TMEM87A: variants seen among roughly 807,000 people sequenced by gnomAD.
TMEM87A encodes Golgi-pH regulating cation channel.
A neutral mutation model predicts 90.0 loss-of-function variants in TMEM87A; 50 were observed. That is an observed-to-expected ratio of 0.56 (90% CI 0.44 to 0.70). The LOEUF is 0.70. Ranked by LOEUF, TMEM87A falls within the 30% of genes least tolerant of loss-of-function variation. TMEM87A has a pLI of 0.00. For missense variants in TMEM87A, 577 were observed against 660.5 expected (o/e 0.87, Z 1.39); for synonymous variants, 226 against 226.7 (o/e 1.00, Z 0.03).
intron 2 of TMEM87A, chr15:42,271,518 A>T (rs1390053426): frequency 6.6e-6 from 1 of 152,132 alleles, no homozygotes; most frequent in Non-Finnish European, 1.5e-5. Context: ...TCGTATTTGT[A>T]CTCTACTTTC....
At chr15:42,240,617 T>C (rs1397538994) in intron 7 of TMEM87A, among the ~76,000 whole-genome samples, 1 of 152,320 alleles carries the variant, frequency 6.6e-6, no homozygotes. Flanking sequence ...TAAAAACTAT[T>C]TCAAGATGGA....
intron 18 of TMEM87A, 118 bp from the exon 19 acceptor site, chr15:42,217,951 T>A: frequency 1.0e-6 from 1 of 953,752 alleles, no homozygotes; most frequent in South Asian, 1.9e-5. Context: ...TTGCATTTTA[T>A]TAATGGCCCT....
intron 7 of TMEM87A, 93 bp from the exon 8 acceptor site, chr15:42,239,824 T>C: frequency 9.4e-7 from 1 of 1,064,906 alleles, no homozygotes; most frequent in Non-Finnish European, 1.5e-6. Flanking sequence ...TAGTAAGAAT[T>C]TCATTGGGTC....
chr15:42,211,982 A>G (rs540749688), intron 19 of TMEM87A, among the ~76,000 whole-genome samples: 1 of 152,102 alleles, frequency 6.6e-6, no homozygotes, highest in African/African-American at 2.4e-5. Flanking sequence ...ATCAGCACTC[A>G]GAAGGAAATG....
chr15:42,221,283 GAGAGAGAGAGAGAC>G (rs1365683260), intron 15 of TMEM87A, among the ~76,000 whole-genome samples: 1,892 of 151,530 alleles, frequency 0.012, 12 homozygotes, highest in Non-Finnish European at 0.018. Context: ...GAGAGAGAGA[GAGAGAGAGAGAGAC>G]AGAGAGAGAG....
chr15:42,215,045 G>A (rs960642522), intron 19 of TMEM87A, among the ~76,000 whole-genome samples: 1 of 152,210 alleles, frequency 6.6e-6, no homozygotes, highest in African/African-American at 2.4e-5. Context: ...AAATCTAGAT[G>A]TTATATAGCC....
chr15:42,219,460 C>A (rs2050435366), intron 17 of TMEM87A, 121 bp downstream of exon 17: 2 of 757,774 alleles, frequency 2.6e-6, no homozygotes, highest in South Asian at 1.9e-5. Flanking sequence ...GGGTCATATA[C>A]AAAAAAAAAT....
At chr15:42,238,975 GCA>G (rs2050824466) in intron 8 of TMEM87A, among the ~76,000 whole-genome samples, 1 of 151,896 alleles carries the variant, frequency 6.6e-6, no homozygotes, top group African/African-American at 2.4e-5. Context: ...ACAGACGTAT[GCA>G]CACATACATG....
At chr15:42,261,280 A>T (rs753059630) in intron 4 of TMEM87A, 31 bp from the exon 5 acceptor site, 4 of 1,596,160 alleles carry the variant, frequency 2.5e-6, no homozygotes, top group Non-Finnish European at 3.4e-6. Context: ...AAAACATTAA[A>T]GGTGTGTAAA....
chr15:42,242,811 G>C lies in TMEM87A; in HGVS notation c.622+1239C>G, dbSNP rs186951686. Reference sequence around the variant, plus strand: ...AAAGGAAACTATTCTCATTAAACTAGGAATAGAAAGGAACATCTTTAACCA... The same window carrying C: ...AAAGGAAACTATTCTCATTAAACTACGAATAGAAAGGAACATCTTTAACCA... On this transcript the variant is annotated intron_variant, in intron 7 of 19. Coordinates refer to ENST00000389834, the MANE Select transcript of TMEM87A (RefSeq NM_015497.5). Among the ~76,000 whole-genome samples the C allele has an allele frequency of 2.5e-3, 375 of 151,836 alleles. 3 individuals carry two copies. The highest frequency in any genetic ancestry group is 7.7e-3 in the African/African-American group (318 of 41,382).
intron 6 of TMEM87A, among the ~76,000 whole-genome samples, chr15:42,260,362 A>G (rs79794095): frequency 0.017 from 2,626 of 152,298 alleles, 40 homozygotes; most frequent in Non-Finnish European, 0.025. Flanking sequence ...CAAGAGTGAG[A>G]CCTTGTCTCA....
At chr15:42,264,339 A>G (rs1191946541) in intron 3 of TMEM87A, 136 bp from the exon 4 acceptor site, 1 of 602,282 alleles carries the variant, frequency 1.7e-6, no homozygotes, top group Non-Finnish European at 2.9e-6. Context: ...ACAGCATCAG[A>G]TAAAGGCTCT....
chr15:42,265,330 T>C (rs908185251), intron 3 of TMEM87A, among the ~76,000 whole-genome samples: 2 of 152,202 alleles, frequency 1.3e-5, no homozygotes, highest in African/African-American at 4.8e-5. Context: ...CCACTAACAA[T>C]GTATAAGCAT....
intron 15 of TMEM87A, among the ~76,000 whole-genome samples, chr15:42,220,580 A>T (rs2050460394): frequency 6.6e-6 from 1 of 152,204 alleles, no homozygotes; most frequent in Admixed American, 6.5e-5. Flanking sequence ...TCTAATTTAA[A>T]ATCGCAGCCT....
chr15:42,269,952 A>G (rs1435102007), intron 2 of TMEM87A, among the ~76,000 whole-genome samples: 1 of 151,452 alleles, frequency 6.6e-6, no homozygotes, highest in Non-Finnish European at 1.5e-5. Flanking sequence ...CAAAAAAAAA[A>G]AAAAAAAAAA....
Position 42,233,420 on chromosome 15 carries a change from T to C in TMEM87A, c.969-114A>G, listed in dbSNP as rs77188091. 1.7e-3 allele frequency: 1,234 copies of C among 708,136 alleles called. 8 individuals carry two copies. The highest frequency in any genetic ancestry group is 0.017 in the African/African-American group (972 of 56,496). 43.9% of individuals were successfully genotyped at this position (708,136 alleles called of 1,614,324 possible). On this transcript the variant is annotated intron_variant, in intron 10 of 19. Coordinates refer to ENST00000389834, the MANE Select transcript of TMEM87A (RefSeq NM_015497.5). The stretch of plus-strand genomic sequence containing the variant: ...GCCAACAATTTAAAGCAATAAATAA[T>C]ATACACTTGATTCACCTAAGAGAAA...
At chr15:42,262,770 A>G (rs1243839536) in intron 4 of TMEM87A, among the ~76,000 whole-genome samples, 2 of 152,226 alleles carry the variant, frequency 1.3e-5, no homozygotes, top group Non-Finnish European at 2.9e-5. Flanking sequence ...ACTTCTAGTA[A>G]TTTGACAGTT....
chr15:42,250,856 C>A (rs1428492647), intron 6 of TMEM87A, among the ~76,000 whole-genome samples: 1 of 152,138 alleles, frequency 6.6e-6, no homozygotes, highest in Non-Finnish European at 1.5e-5. Flanking sequence ...TCCATTCTCC[C>A]CATCACTTTC....
At chr15:42,237,385 C>G in intron 9 of TMEM87A, 47 bp downstream of exon 9, 2 of 1,589,224 alleles carry the variant, frequency 1.3e-6, no homozygotes, top group Non-Finnish European at 1.7e-6. Context: ...TTTCATACAT[C>G]TCACCTTCCA....
Sources: allele counts gnomAD v4.1 joint callset (sites outside exome capture counted in the v4.1 genomes callset), GRCh38; gene constraint gnomAD v4.1.1; transcripts MANE v1.5; gene names NCBI Gene and HGNC (gene_info 2026-07-23, HGNC 2026-07-21).